The following DAB1 variants were observed in gnomAD, a reference collection of about 807,000 sequenced individuals.
DAB1 encodes disabled homolog 1.
Under a neutral mutation model 64.6 loss-of-function variants are expected in DAB1, and 15 were observed. The observed-to-expected ratio is 0.23, with a 90% confidence interval of 0.16 to 0.36. The LOEUF (loss-of-function observed/expected upper bound fraction) is 0.36. DAB1 is among the 10% of genes least tolerant of loss of function. The probability of loss-of-function intolerance (pLI) is 1.00; values close to 1 mark genes in which losing one functional copy is unlikely to be tolerated. For missense variants in DAB1, 596 were observed against 706.7 expected, an observed-to-expected ratio of 0.84 and a Z score of 1.78; for synonymous variants, 235 against 251.9, an observed-to-expected ratio of 0.93 and a Z score of 0.64.
intron 4 of DAB1, among the ~76,000 whole-genome samples, chr1:58,250,470 C>CAGCAGT (rs1413740888): frequency 2.0e-5 from 3 of 152,252 alleles, no homozygotes; most frequent in Non-Finnish European, 1.5e-5. Flanking sequence ...GTAGCAACAG[C>CAGCAGT]AGCAGTAGCA....
At chr1:57,525,753 C>T (rs1486292959) in intron 7 of DAB1, among the ~76,000 whole-genome samples, 1 of 151,510 alleles carries the variant, frequency 6.6e-6, no homozygotes, top group Non-Finnish European at 1.5e-5. Flanking sequence ...TATTATGGAA[C>T]ATAAAAATAT....
chr1:57,429,359 G>A (rs114551973), intron 7 of DAB1, among the ~76,000 whole-genome samples: 2,096 of 152,258 alleles, frequency 0.014, 41 homozygotes, highest in African/African-American at 0.047. Flanking sequence ...CTATTGAGTT[G>A]TAATGAATTC....
At chr1:57,363,528 G>A (rs1251227486) in intron 1 of DAB1, among the ~76,000 whole-genome samples, 1 of 152,200 alleles carries the variant, frequency 6.6e-6, no homozygotes, top group Non-Finnish European at 1.5e-5. Context: ...GTAAAATGGT[G>A]ATAATAATAG....
intron 7 of DAB1, among the ~76,000 whole-genome samples, chr1:57,443,651 C>T (rs1056672356): frequency 1.3e-5 from 2 of 152,136 alleles, no homozygotes; most frequent in African/African-American, 4.8e-5. Context: ...TTGTTAAATG[C>T]CTGGCCTCCA....
intron 4 of DAB1, among the ~76,000 whole-genome samples, chr1:58,161,141 T>G (rs58162803): frequency 6.6e-6 from 1 of 152,152 alleles, no homozygotes; most frequent in Admixed American, 6.6e-5. Context: ...ACAAGGAGTC[T>G]CAAAGAATGG....
chr1:57,332,922 G>A (rs551483906), intron 1 of DAB1, among the ~76,000 whole-genome samples: 11 of 152,232 alleles, frequency 7.2e-5, no homozygotes, highest in East Asian at 3.9e-4. Context: ...ATCCCACACC[G>A]TCTTCTGCTC....
intron 4 of DAB1, among the ~76,000 whole-genome samples, chr1:58,247,584 C>T (rs1324887857): frequency 6.6e-5 from 10 of 152,190 alleles, no homozygotes; most frequent in Admixed American, 6.5e-4. Context: ...ATTGTCTTAT[C>T]ATGTCAAAGC....
At chr1:57,502,926 G>T (rs2793644) in intron 7 of DAB1, among the ~76,000 whole-genome samples, 39,038 of 152,080 alleles carry the variant, frequency 0.26, 5,282 homozygotes, top group African/African-American at 0.35. Flanking sequence ...ATAGCACATA[G>T]TTATGTGTCC....
At position 57,499,210 on chromosome 1, in the gene DAB1, G is replaced by A. The variant is rs573578964; in HGVS notation, n.625+150382C>T. Among the ~76,000 whole-genome samples the A allele has an allele frequency of 6.6e-5, 10 of 152,230 alleles. No homozygotes were observed. In the East Asian group the frequency reaches 1.6e-3, roughly 24 times the overall value. On this transcript the variant is annotated intron_variant and non_coding_transcript_variant, in intron 7 of 20. Transcript: ENST00000485760. ...AGGATGGTCTCGATCTCCTGACCTC[G>A]TGATCCGCCTGCCTCGGCCTCCCAA...
At chr1:57,059,760 C>T (rs1188700349) in intron 9 of DAB1, among the ~76,000 whole-genome samples, 1 of 152,056 alleles carries the variant, frequency 6.6e-6, no homozygotes, top group African/African-American at 2.4e-5. Context: ...GATAAGAACA[C>T]TGAGTCTCTG....
intron 6 of DAB1, among the ~76,000 whole-genome samples, chr1:57,766,911 T>C (rs1167497096): frequency 2.0e-5 from 3 of 151,614 alleles, no homozygotes; most frequent in Non-Finnish European, 2.9e-5. Context: ...AGAAAAGCAC[T>C]TTACTTACAG....
At chr1:57,675,830 C>T (rs1646560106) in intron 6 of DAB1, among the ~76,000 whole-genome samples, 1 of 152,150 alleles carries the variant, frequency 6.6e-6, no homozygotes, top group Non-Finnish European at 1.5e-5. Flanking sequence ...ATTCAGATTG[C>T]CCAAGTGAGG....
At chr1:57,394,191 A>C (rs1682621772) in intron 1 of DAB1, among the ~76,000 whole-genome samples, 1 of 152,226 alleles carries the variant, frequency 6.6e-6, no homozygotes, top group Non-Finnish European at 1.5e-5. Flanking sequence ...CTTTGTTCAA[A>C]GCAATCTTTT....
intron 7 of DAB1, among the ~76,000 whole-genome samples, chr1:57,508,633 A>G (rs1644373835): frequency 6.6e-6 from 1 of 152,196 alleles, no homozygotes; most frequent in South Asian, 2.1e-4. Flanking sequence ...GTCTAAACCA[A>G]TGGGCATGGC....
rs58605325 is a variant in DAB1 at position 57,612,195 on chromosome 1, T to TTGTGTGTGTGTGTGTG, written n.625+37381_625+37396dup. Among the ~76,000 whole-genome samples, 289 of 149,656 alleles carry TTGTGTGTGTGTGTGTG rather than the reference T, an allele frequency of 1.9e-3. 1 individual carries two copies. The highest frequency in any genetic ancestry group is 6.1e-3 in the African/African-American group (247 of 40,622). ...TCACATATCCATGTTTGGCATGATC[T>TTGTGTGTGTGTGTGTG]TGTGTGTGTGTGTGTGTGTGTGTGC... is the stretch of plus-strand genomic sequence containing the variant. On this transcript the variant is annotated intron_variant and non_coding_transcript_variant, in intron 7 of 20. Transcript: ENST00000485760.
intron 4 of DAB1, among the ~76,000 whole-genome samples, chr1:58,261,623 C>G (rs1661049856): frequency 6.6e-6 from 1 of 151,846 alleles, no homozygotes. Context: ...AAAAGAAAAT[C>G]CCTTCTCACA....
At chr1:57,815,807 A>G (rs909908038) in intron 6 of DAB1, among the ~76,000 whole-genome samples, 3 of 152,132 alleles carry the variant, frequency 2.0e-5, no homozygotes, top group Non-Finnish European at 2.9e-5. Flanking sequence ...AAACGGTAAT[A>G]TGTACATATC....
chr1:58,373,315 C>A (rs1644287143), intron 3 of DAB1, among the ~76,000 whole-genome samples: 1 of 119,456 alleles, frequency 8.4e-6, no homozygotes, highest in African/African-American at 2.6e-5. Context: ...AATGCTATCC[C>A]TCCCCACTCC....
intron 7 of DAB1, among the ~76,000 whole-genome samples, chr1:57,527,829 C>T (rs1255090034): frequency 6.6e-6 from 1 of 152,082 alleles, no homozygotes; most frequent in African/African-American, 2.4e-5. Flanking sequence ...TTGATAAATT[C>T]GTGCTGACAT....
Sources: allele counts gnomAD v4.1 joint callset (sites outside exome capture counted in the v4.1 genomes callset), GRCh38; gene constraint gnomAD v4.1.1; transcripts MANE v1.5; gene names NCBI Gene and HGNC (gene_info 2026-07-23, HGNC 2026-07-21).